SPON1: variants seen among roughly 807,000 people sequenced by gnomAD.
The protein encoded by SPON1 is spondin 1, also known as spondin-1.
Under a neutral mutation model 111.7 loss-of-function variants are expected in SPON1, and 52 were observed. That is an observed-to-expected ratio of 0.47 (90% confidence interval 0.37 to 0.59). The LOEUF is 0.59. Ranked by LOEUF, SPON1 falls within the 20% of genes least tolerant of loss-of-function variation. The pLI is 0.00. For synonymous variants in SPON1, 410 were observed against 395.8 expected (o/e 1.04, Z -0.43); for missense variants, 957 against 1,068.5 (o/e 0.90, Z 1.46).
chr11:14,165,699 T>C (rs1213070250), intron 6 of SPON1, among the ~76,000 whole-genome samples: 1 of 152,166 alleles, frequency 6.6e-6, no homozygotes. Flanking sequence ...CTAACAACAG[T>C]GTACTATAGC....
At chr11:13,992,158 A>T (rs1217674894) in intron 2 of SPON1, among the ~76,000 whole-genome samples, 1 of 152,194 alleles carries the variant, frequency 6.6e-6, no homozygotes, top group Non-Finnish European at 1.5e-5. Context: ...AGCTGCAACC[A>T]TAGCTACCCC....
At chr11:14,176,535 C>T (rs894629197) in intron 6 of SPON1, among the ~76,000 whole-genome samples, 2 of 152,016 alleles carry the variant, frequency 1.3e-5, no homozygotes, top group African/African-American at 4.8e-5. Context: ...TACAGACACC[C>T]CACCATAGGG....
At chr11:14,004,204 A>G (rs782098136) in intron 2 of SPON1, among the ~76,000 whole-genome samples, 1 of 151,936 alleles carries the variant, frequency 6.6e-6, no homozygotes, top group Non-Finnish European at 1.5e-5. Context: ...TTCTTTCCCC[A>G]TTTGTACATT....
chr11:14,190,513 T>C (rs1042054808), intron 6 of SPON1, among the ~76,000 whole-genome samples: 26 of 151,720 alleles, frequency 1.7e-4, no homozygotes, highest in African/African-American at 6.1e-4. Context: ...CTTCCTTCTT[T>C]AGTTCCTTCC....
At chr11:14,068,905 GCAC>G (rs1218433772) in intron 3 of SPON1, among the ~76,000 whole-genome samples, 1 of 152,032 alleles carries the variant, frequency 6.6e-6, no homozygotes, top group Non-Finnish European at 1.5e-5. Flanking sequence ...TAACCTTATT[GCAC>G]CATTTGGTAC....
chr11:14,042,745 A>C (rs1554917424), intron 3 of SPON1, among the ~76,000 whole-genome samples: 1 of 152,074 alleles, frequency 6.6e-6, no homozygotes, highest in Admixed American at 6.6e-5. Context: ...ACTCCAGCCC[A>C]CCCCTGAGGA....
In SPON1 at chr11:14,259,394, C is replaced by G. The variant is rs1346313776; in HGVS notation, c.1607C>G (p.Ser536Cys). Reference protein sequence around the residue: ...RYVKQFPEDGSVCTLPTEETE... With the variant: ...RYVKQFPEDGCVCTLPTEETE... ...GTGAAGCAGTTCCCGGAGGACGGCT[C>G]CGTGTGCACGCTGCCCACTGAGGAA... Residue 536 changes from serine to cysteine, a missense_variant, in exon 12 of 16, where the codon TCC (serine) becomes TGC (cysteine). Coordinates refer to ENST00000576479, the MANE Select transcript of SPON1 (RefSeq NM_006108.4). This position sits in a 1 kb window ranked among gnomAD's most constrained non-coding sequence, Gnocchi z 5.0. 5.0e-6 allele frequency: 8 copies of G among 1,611,508 alleles called. No homozygotes were observed. The highest frequency in any genetic ancestry group is 6.8e-6 in the Non-Finnish European group (8 of 1,179,132).
chr11:14,160,539 A>ATT (rs1256208682), intron 6 of SPON1, among the ~76,000 whole-genome samples: 1 of 27,196 alleles, frequency 3.7e-5, no homozygotes, highest in Admixed American at 7.8e-4. Context: ...ATATATTTAT[A>ATT]TATATATTTA....
intron 6 of SPON1, among the ~76,000 whole-genome samples, chr11:14,142,572 A>G (rs1249425944): frequency 6.6e-6 from 1 of 152,182 alleles, no homozygotes; most frequent in Non-Finnish European, 1.5e-5. Context: ...TGCTTTGCAC[A>G]TGCTCCCTCC....
chr11:14,101,908 T>C (rs928883752), intron 5 of SPON1, among the ~76,000 whole-genome samples: 3 of 152,238 alleles, frequency 2.0e-5, no homozygotes, highest in Admixed American at 6.5e-5. Flanking sequence ...CACACAGAAC[T>C]TCTGATCACC....
At chr11:14,197,648 C>CAAAA (rs11343423) in intron 6 of SPON1, among the ~76,000 whole-genome samples, 1 of 119,914 alleles carries the variant, frequency 8.3e-6, no homozygotes, top group Non-Finnish European at 1.7e-5. Flanking sequence ...ACTAAATATA[C>CAAAA]AAAAAAAAAA....
At chr11:13,971,515 T>C (rs1919305) in intron 1 of SPON1, among the ~76,000 whole-genome samples, 127,415 of 152,088 alleles carry the variant, frequency 0.84, 53,568 homozygotes, top group East Asian at 0.97. Context: ...TTGGAGAGTG[T>C]AAAAACTAAA....
chr11:14,024,652 G>A (rs889205991), intron 2 of SPON1, among the ~76,000 whole-genome samples: 17 of 152,306 alleles, frequency 1.1e-4, no homozygotes, highest in African/African-American at 3.4e-4. Flanking sequence ...GGCACAGGAT[G>A]GGGGGCATGG....
intron 1 of SPON1, among the ~76,000 whole-genome samples, chr11:13,972,256 G>T (rs903860614): frequency 1.6e-4 from 25 of 152,174 alleles, no homozygotes; most frequent in African/African-American, 6.0e-4. Context: ...TTTGGCAGCT[G>T]TGCCGTAGTC....
intron 3 of SPON1, among the ~76,000 whole-genome samples, chr11:14,070,117 A>G (rs1848863585): frequency 6.6e-6 from 1 of 152,172 alleles, no homozygotes; most frequent in South Asian, 2.1e-4. Context: ...AGCATCTGAT[A>G]TTATCATTGC....
At chr11:14,258,180 T>C (rs1454178946) in intron 11 of SPON1, among the ~76,000 whole-genome samples, 1 of 152,192 alleles carries the variant, frequency 6.6e-6, no homozygotes, top group East Asian at 1.9e-4. Context: ...AGATAACACA[T>C]AGCCTGCTTC....
intron 6 of SPON1, among the ~76,000 whole-genome samples, chr11:14,222,617 T>C (rs1591416753): frequency 6.6e-6 from 1 of 152,148 alleles, no homozygotes; most frequent in African/African-American, 2.4e-5. Context: ...TTGATACCAA[T>C]TGAGTGACTT....
At chr11:14,174,706 T>G (rs1043016500) in intron 6 of SPON1, among the ~76,000 whole-genome samples, 9 of 152,026 alleles carry the variant, frequency 5.9e-5, no homozygotes, top group African/African-American at 2.2e-4. Context: ...TTCAGTCAAT[T>G]GAGAAGAAAA....
At chr11:14,046,561 C>T (rs1205330136) in intron 3 of SPON1, among the ~76,000 whole-genome samples, 1 of 152,134 alleles carries the variant, frequency 6.6e-6, no homozygotes, top group Non-Finnish European at 1.5e-5. Context: ...CAGGTCTGGT[C>T]TGTTCTGTTG....
Sources: gnomAD v4.1 joint callset for allele counts (sites outside exome capture counted in the v4.1 genomes callset) on GRCh38, gnomAD v4.1.1 for gene constraint, Gnocchi (gnomAD v3.1) non-coding constraint, MANE v1.5 for transcripts, NCBI Gene and HGNC (gene_info 2026-07-23, HGNC 2026-07-21) for gene names.